Variants in ACSF2 observed in about 807,000 individuals in gnomAD.
ACSF2 encodes acyl-CoA synthetase family member 2, also known as medium-chain acyl-CoA ligase ACSF2, mitochondrial.
Under a neutral mutation model 79.3 loss-of-function variants are expected in ACSF2, and 52 were observed. That is an observed-to-expected ratio of 0.66 (90% confidence interval 0.53 to 0.83). ACSF2 has a LOEUF of 0.83. ACSF2 is among the 40% of genes least tolerant of loss of function. The pLI is 0.00. For missense variants in ACSF2, 661 were observed against 803.3 expected (o/e 0.82, Z 2.14); for synonymous variants, 283 against 312.6 (o/e 0.91, Z 1.00).
intron 10 of ACSF2, chr17:50,468,195 G>A (rs1445151528): frequency 6.2e-7 from 1 of 1,613,802 alleles, no homozygotes; most frequent in Non-Finnish European, 8.5e-7. Flanking sequence ...TAGCTGGACA[G>A]CTGGTTCCTG....
chr17:50,463,778 T>TC lies in ACSF2; in HGVS notation c.1047-38dup, dbSNP rs780390434. 6.3e-7 allele frequency: 1 copy of TC among 1,592,420 alleles called. No individual in the cohort carries two copies. The highest frequency in any genetic ancestry group is 1.1e-5 in the South Asian group (1 of 90,200). ...GGTGGGTGAGAACAGGGAGTTCCCTTCCACTTCCAAGCCTAATTTCGAGAC... is the reference window on the plus strand; with the variant it reads ...GGTGGGTGAGAACAGGGAGTTCCCTTCCCACTTCCAAGCCTAATTTCGAGAC... On this transcript the variant is annotated intron_variant, in intron 8 of 15. Transcript: ENST00000300441. The surrounding 1 kb of genome is among the most constrained non-coding windows in gnomAD (Gnocchi z 4.6).
At chr17:50,461,088 G>A in intron 2 of ACSF2, 154 bp from the exon 3 acceptor site, 2 of 1,276,546 alleles carry the variant, frequency 1.6e-6, no homozygotes, top group Non-Finnish European at 2.2e-6. Context: ...TAACTATGCA[G>A]GCCCCAGGGC....
chr17:50,430,323 A>C (rs960579055), intron 1 of ACSF2, among the ~76,000 whole-genome samples: 3 of 152,196 alleles, frequency 2.0e-5, no homozygotes, highest in Non-Finnish European at 4.4e-5. Context: ...GCATAGACTC[A>C]AGTTGCCCTG....
chr17:50,474,429 G>C lies in ACSF2; in HGVS notation c.1798-73G>C. 1.8e-5 allele frequency: 28 copies of C among 1,565,316 alleles called. No homozygotes were observed. Among genetic ancestry groups the C allele is most frequent in the Admixed American group, 5.1e-5 (3 of 59,394 alleles). ...GGGACTTTCCCTGTTTTGGCACTAA[G>C]AGCCTGAGAAACCCCTTATTCTTGG... On this transcript the variant is annotated intron_variant, in intron 15 of 15. Transcript: ENST00000300441. This position sits in a 1 kb window ranked among gnomAD's most constrained non-coding sequence, Gnocchi z 4.2.
intron 1 of ACSF2, among the ~76,000 whole-genome samples, chr17:50,457,759 C>T (rs1200691477): frequency 6.6e-6 from 1 of 152,178 alleles, no homozygotes; most frequent in East Asian, 1.9e-4. Context: ...TCTTATCCAT[C>T]CCTGTATCCC....
intron 5 of ACSF2, 28 bp downstream of exon 5, chr17:50,462,330 T>G (rs891163835): frequency 3.1e-6 from 5 of 1,612,876 alleles, no homozygotes; most frequent in Non-Finnish European, 4.2e-6. Context: ...TAGTGGGTGG[T>G]GCATCATTCA....
chr17:50,464,492 T>C (rs2032554136), intron 10 of ACSF2, 198 bp downstream of exon 10: 1 of 697,306 alleles, frequency 1.4e-6, no homozygotes, highest in South Asian at 1.5e-5. Flanking sequence ...GGCAGGGGAG[T>C]AAATATAATA....
rs568849377 is a variant in ACSF2, at chr17:50,432,756, A to C, written c.128+6367A>C. Among the ~76,000 whole-genome samples, 7 of 152,354 alleles carry C rather than the reference A, an allele frequency of 4.6e-5. No individual in the cohort carries two copies. In the South Asian group the frequency reaches 1.5e-3, roughly 32 times the overall value. On this transcript the variant is annotated intron_variant, in intron 1 of 15. Transcript: ENST00000300441. ...GTTAGTTGACGGGAAAGCAAATCCC[A>C]GTCCTACCAGTCCTAACTTAGTGTG... is the stretch of plus-strand genomic sequence containing the variant.
intron 12 of ACSF2, 118 bp downstream of exon 12, chr17:50,472,697 A>T: frequency 6.3e-6 from 8 of 1,265,936 alleles, no homozygotes; most frequent in Non-Finnish European, 8.5e-6. Context: ...ATGACCCCTC[A>T]CATGCTGGAG....
intron 12 of ACSF2, 39 bp downstream of exon 12, chr17:50,472,618 G>A (rs1294186963): frequency 6.4e-7 from 1 of 1,563,136 alleles, no homozygotes; most frequent in East Asian, 2.4e-5. Flanking sequence ...TGGCCGCTGA[G>A]GGGAGGCTGG....
In ACSF2 at chr17:50,471,654, CA is replaced by C. The variant is rs759995797; in HGVS notation, c.1323+521del. On this transcript the variant is annotated intron_variant, in intron 11 of 15. Transcript: ENST00000300441. The surrounding 1 kb of genome is among the most constrained non-coding windows in gnomAD (Gnocchi z 4.1). Reference sequence around the variant, plus strand: ...CCCAGCCATGCCTCCTTTCCTGCTCCAACACTGGGGCTGTGCCAGCTGGCTC... The same window carrying C: ...CCCAGCCATGCCTCCTTTCCTGCTCCACACTGGGGCTGTGCCAGCTGGCTC... 175 of 166,714 alleles carry C rather than the reference CA, an allele frequency of 1.0e-3. No individual in the cohort carries two copies. Among genetic ancestry groups the C allele is most frequent in the Middle Eastern group, 3.0e-3 (1 of 328 alleles). 10.3% of individuals were successfully genotyped at this position (166,714 alleles called of 1,614,324 possible). A position where few individuals can be genotyped will look rare whatever the true frequency, so the allele number is the denominator to read the frequency against.
At chr17:50,462,775 C>G in intron 6 of ACSF2, 190 bp downstream of exon 6, 1 of 679,164 alleles carries the variant, frequency 1.5e-6, no homozygotes, top group Non-Finnish European at 2.4e-6. Context: ...CCCTAGCCCC[C>G]CGCCCTCTCC....
In ACSF2 at chr17:50,452,192, G is replaced by T. The variant is rs577228766; in HGVS notation, c.129-8485G>T. 3.7e-4 allele frequency among the ~76,000 whole-genome samples: 57 copies of T among 152,280 alleles called. No homozygotes were observed. In the East Asian group the frequency reaches 0.011, roughly 28 times the overall value. ...GAGCCTTGGGTTTTACAACACCCAT[G>T]CTAAGTAGCTGATGCCTTTCCAAGT... On this transcript the variant is annotated intron_variant, in intron 1 of 15. Coordinates refer to ENST00000300441, the MANE Select transcript of ACSF2 (RefSeq NM_025149.6).
At chr17:50,459,573 G>A (rs1385811709) in intron 1 of ACSF2, among the ~76,000 whole-genome samples, 1 of 152,158 alleles carries the variant, frequency 6.6e-6, no homozygotes, top group Non-Finnish European at 1.5e-5. Context: ...ATAAAAGGTG[G>A]GGAAAGTTAA....
intron 1 of ACSF2, among the ~76,000 whole-genome samples, chr17:50,435,437 G>A (rs1267217096): frequency 1.3e-5 from 2 of 150,794 alleles, no homozygotes. Context: ...TTTGAGAAAG[G>A]CCTCACTCTG....
chr17:50,426,413 A>T, intron 1 of ACSF2, 24 bp downstream of exon 1: 5 of 1,302,192 alleles, frequency 3.8e-6, no homozygotes, highest in Non-Finnish European at 4.9e-6. Flanking sequence ...GCGGGAAGAG[A>T]GGGGGCGGGG....
intron 1 of ACSF2, among the ~76,000 whole-genome samples, chr17:50,429,508 T>C (rs1832752432): frequency 6.7e-6 from 1 of 149,444 alleles, no homozygotes; most frequent in African/African-American, 2.6e-5. Context: ...CTGTTCAGAG[T>C]CTTTCTCTTT....
Position 50,445,596 on chromosome 17 carries a change from A to T in ACSF2, c.129-15081A>T, listed in dbSNP as rs573898238. On this transcript the variant is annotated intron_variant, in intron 1 of 15. Coordinates refer to ENST00000300441, the MANE Select transcript of ACSF2 (RefSeq NM_025149.6). ...GAATGCTTGAGCTCAGGAGGTCAAG[A>T]CTAGCCTGGGCAACATAGGGAGACA... Among the ~76,000 whole-genome samples the T allele has an allele frequency of 8.5e-5, 13 of 152,216 alleles. 1 individual carries two copies. Among genetic ancestry groups the T allele is most frequent in the African/African-American group, 2.9e-4 (12 of 41,544 alleles).
intron 1 of ACSF2, among the ~76,000 whole-genome samples, chr17:50,438,178 C>A (rs977854754): frequency 6.6e-6 from 1 of 152,186 alleles, no homozygotes; most frequent in Non-Finnish European, 1.5e-5. Context: ...CTATGTGCAT[C>A]CTCCTATGTA....
Sources: allele counts gnomAD v4.1 joint callset (sites outside exome capture counted in the v4.1 genomes callset), GRCh38; gene constraint gnomAD v4.1.1; non-coding constraint Gnocchi (gnomAD v3.1); transcripts MANE v1.5; gene names NCBI Gene and HGNC (gene_info 2026-07-23, HGNC 2026-07-21).